The following TRPM7 variants were observed in gnomAD, a reference collection of about 807,000 sequenced individuals.
The protein encoded by TRPM7 is LTRPC ion channel family member 7.
A neutral mutation model predicts 229.7 loss-of-function variants in TRPM7; 134 were observed. That is an observed-to-expected ratio of 0.58 (90% CI 0.51 to 0.67). The LOEUF is 0.67. TRPM7 is among the 30% of genes least tolerant of loss of function. TRPM7 has a pLI of 0.00. For synonymous variants in TRPM7, 699 were observed against 715.2 expected (o/e 0.98, Z 0.36); for missense variants, 1,901 against 2,210.0 (o/e 0.86, Z 2.80).
chr15:50,685,349 C>G (rs770370886), intron 1 of TRPM7, among the ~76,000 whole-genome samples: 29 of 152,126 alleles, frequency 1.9e-4, no homozygotes, highest in Non-Finnish European at 3.4e-4. Context: ...CCCAGCTACT[C>G]GGGAGCCTGA....
chr15:50,569,831 G>A lies in TRPM7; in HGVS notation c.5467+56C>T, dbSNP rs146476441. 6.2e-5 allele frequency: 72 copies of A among 1,167,936 alleles called. No homozygotes were observed. The East Asian group carries it at 1.6e-3, about 27-fold the overall frequency. The allele number at this position is 1,167,936 out of a possible 1,614,324, so 72.3% of individuals were successfully genotyped here. On this transcript the variant is annotated intron_variant, in intron 38 of 38. Transcript: ENST00000646667. The stretch of plus-strand genomic sequence containing the variant: ...TGTACCTCTGGCCTTATGAGGTATT[G>A]TAGTAACCAAGTTTCGTAACAATTT...
intron 12 of TRPM7, among the ~76,000 whole-genome samples, chr15:50,623,535 G>A (rs1024017411): frequency 2.8e-5 from 4 of 141,892 alleles, no homozygotes; most frequent in Admixed American, 7.3e-5. Flanking sequence ...AAAAGGCCAA[G>A]TGAGAAAAGT....
chr15:50,588,152 C>A (rs1299458712), intron 27 of TRPM7: 1 of 911,372 alleles, frequency 1.1e-6, no homozygotes, highest in Non-Finnish European at 1.3e-6. Flanking sequence ...ATATTTTAAG[C>A]TGACTTTCTG....
chr15:50,601,030 G>A (rs184542155), intron 21 of TRPM7, among the ~76,000 whole-genome samples: 2 of 152,042 alleles, frequency 1.3e-5, no homozygotes, highest in East Asian at 1.9e-4. Flanking sequence ...ACAAAATATT[G>A]CAAAACAAAA....
chr15:50,624,143 A>G lies in TRPM7; in HGVS notation c.1440+23T>C, dbSNP rs117012378. The G allele has an allele frequency of 1.9e-4, 300 of 1,586,046 alleles. 2 individuals carry two copies. In the East Asian group the frequency reaches 5.9e-3, roughly 31 times the overall value. ...TCCCAAAAGATAAAATGTAGTCAAT[A>G]AAGAATTTTAATGTAGACTTACAGT... On this transcript the variant is annotated intron_variant, in intron 12 of 38. Transcript: ENST00000646667.
rs552756817 is a variant in TRPM7 at position 50,560,391 on chromosome 15, C to A, written c.*1287G>T. ...TAATACACTTTTTCTTTCTCCCCACCCCCAATCAATATTAAACACTATTTA... is the reference window on the plus strand; with the variant it reads ...TAATACACTTTTTCTTTCTCCCCACACCCAATCAATATTAAACACTATTTA... On this transcript the variant is annotated 3_prime_UTR_variant, in exon 39 of 39. Transcript: ENST00000646667. 6.6e-6 allele frequency: 1 copy of A among 152,260 alleles called. No homozygotes were observed. Among genetic ancestry groups the A allele is most frequent in the African/African-American group, 2.4e-5 (1 of 41,334 alleles). The allele number at this position is 152,260 out of a possible 1,614,324, so 9.4% of individuals were successfully genotyped here. A position where few individuals can be genotyped will look rare whatever the true frequency, so the allele number is the denominator to read the frequency against.
chr15:50,594,115 T>C (rs2059575661), intron 24 of TRPM7, among the ~76,000 whole-genome samples: 1 of 152,218 alleles, frequency 6.6e-6, no homozygotes, highest in African/African-American at 2.4e-5. Context: ...TAGTCTCATG[T>C]ACACAGAATG....
chr15:50,629,552 T>C (rs998769764), intron 10 of TRPM7, among the ~76,000 whole-genome samples: 5 of 151,952 alleles, frequency 3.3e-5, no homozygotes, highest in Admixed American at 6.6e-5. Flanking sequence ...TACTGTAACA[T>C]TGGCCATCCT....
intron 22 of TRPM7, among the ~76,000 whole-genome samples, chr15:50,596,900 G>A (rs73395537): frequency 0.02 from 3,099 of 152,124 alleles, 123 homozygotes; most frequent in African/African-American, 0.072. Context: ...ACAGGCATGC[G>A]CCACCATGCC....
intron 1 of TRPM7, among the ~76,000 whole-genome samples, chr15:50,680,436 G>A (rs922758304): frequency 1.3e-5 from 2 of 151,790 alleles, no homozygotes; most frequent in African/African-American, 4.8e-5. Flanking sequence ...CCAATGTGGT[G>A]GCGCAACCTG....
intron 21 of TRPM7, among the ~76,000 whole-genome samples, chr15:50,600,128 C>T (rs910127021): frequency 6.6e-6 from 1 of 152,072 alleles, no homozygotes; most frequent in Non-Finnish European, 1.5e-5. Context: ...ACTGTCTAGC[C>T]TAGACAATAT....
At chr15:50,589,503 G>A in intron 27 of TRPM7, 89 bp downstream of exon 27, 1 of 907,030 alleles carries the variant, frequency 1.1e-6, no homozygotes, top group South Asian at 1.5e-5. Flanking sequence ...CTGTATTTTT[G>A]CTGAAAAAAT....
In TRPM7 at chr15:50,596,380, C is replaced by T; in HGVS notation, c.3165G>A (p.Val1055=). The T allele has an allele frequency of 6.4e-7, 1 of 1,570,276 alleles. No individual in the cohort carries two copies. The highest frequency in any genetic ancestry group is 8.6e-7 in the Non-Finnish European group (1 of 1,167,642). Residue 1055 remains valine (V), a splice_region_variant and synonymous_variant, in exon 23 of 39, where the codon GTG becomes GTA. Transcript: ENST00000646667. ...GAGGGATAACAGAATCATTTGCACA[C>T]ACTTTAGAGAGAAAAAAAGAAAAAA... ...FGEVYAYEID[V]CANDSVIPQI... is the part of the protein sequence containing the mutation.
chr15:50,678,318 G>C (rs980988163), intron 1 of TRPM7, among the ~76,000 whole-genome samples: 14 of 149,340 alleles, frequency 9.4e-5, no homozygotes, highest in Non-Finnish European at 1.9e-4. Flanking sequence ...TGATAAATTT[G>C]TACATGGGTC....
chr15:50,672,120 T>A lies in TRPM7; in HGVS notation c.4-9074A>T, dbSNP rs188835508. The stretch of plus-strand genomic sequence containing the variant: ...CCCAGGCTGGAGTGCAGTGGCATGA[T>A]CTTGGCTCACTGCAAGCTCATCTCC... On this transcript the variant is annotated intron_variant, in intron 1 of 38. Transcript: ENST00000646667. 2.5e-3 allele frequency among the ~76,000 whole-genome samples: 381 copies of A among 152,272 alleles called. 6 individuals are homozygous for A. The highest frequency in any genetic ancestry group is 3.2e-4 in the Non-Finnish European group (22 of 68,022).
chr15:50,605,358 C>T (rs2059893192), intron 20 of TRPM7, among the ~76,000 whole-genome samples: 1 of 152,166 alleles, frequency 6.6e-6, no homozygotes, highest in Admixed American at 6.5e-5. Flanking sequence ...TCCAGAGATT[C>T]ATCCAACTAA....
rs1313993063 is a variant in TRPM7, at chr15:50,583,108, G to A, written c.4538C>T (p.Ser1513Phe). The A allele has an allele frequency of 1.2e-6, 2 of 1,606,002 alleles. No homozygotes were observed. Among genetic ancestry groups the A allele is most frequent in the South Asian group, 1.1e-5 (1 of 89,106 alleles). ...ACAAACCGGTATTAAAGCTGCTTTG[G>A]AATCTACTTCATGAGTGTCTTCGGT... ...PSTEDTHEVD[S>F]KAALIPDWLQ... The change falls in exon 29 of 39, where the codon TCC (serine) becomes TTC (phenylalanine). Residue 1513 changes from serine to phenylalanine, a missense_variant. Transcript: ENST00000646667.
At chr15:50,677,751 A>AAAC (rs1555435759) in intron 1 of TRPM7, among the ~76,000 whole-genome samples, 34 of 148,124 alleles carry the variant, frequency 2.3e-4, no homozygotes, top group African/African-American at 8.5e-4. Flanking sequence ...AAAAAAAAAA[A>AAAC]AAAAAAAAAC....
At position 50,648,778 on chromosome 15, in the gene TRPM7, T is replaced by A; in HGVS notation, c.230A>T (p.Glu77Val). The change falls in exon 4 of 39, where the codon GAA becomes GTA. Residue 77 changes from glutamate (E) to valine (V), a missense_variant. Glu to Val is a moderately radical substitution (Grantham distance 121). Around this residue, in one of 8 missense-constraint regions of TRPM7, gnomAD observed 794 missense variants for 881.9 expected, o/e 0.90. Coordinates refer to ENST00000646667, the MANE Select transcript of TRPM7 (RefSeq NM_017672.6). ...LGDHFNQAIE[E>V]WSVEKHTEQS... is the part of the protein sequence containing the mutation. ...TTCTGTATGCTTTTCCACAGACCATTCTTCTATTGCCTGATTAAAATGGTC... is the reference window on the plus strand; with the variant it reads ...TTCTGTATGCTTTTCCACAGACCATACTTCTATTGCCTGATTAAAATGGTC... 1 of 1,613,720 alleles carries A rather than the reference T, an allele frequency of 6.2e-7. No homozygotes were observed. The highest frequency in any genetic ancestry group is 8.5e-7 in the Non-Finnish European group (1 of 1,179,768).
Sources: gnomAD v4.1 joint callset for allele counts (sites outside exome capture counted in the v4.1 genomes callset) on GRCh38, gnomAD v4.1.1 for gene constraint, gnomAD v4.1.1 regional missense constraint, MANE v1.5 for transcripts, NCBI Gene and HGNC (gene_info 2026-07-23, HGNC 2026-07-21) for gene names.